Variants in SPMIP9 observed in about 807,000 individuals in gnomAD.
SPMIP9 encodes the protein protein SPMIP9.
chr2:88,527,152 C>G, the SPMIP9 span, among the ~76,000 whole-genome samples: 2 of 152,128 alleles, frequency 1.3e-5, no homozygotes, highest in African/African-American at 4.8e-5. Flanking sequence ...TACCCCTCCT[C>G]CCATCTCCAG....
At chr2:88,526,479 C>T in the SPMIP9 span, 1 of 1,614,032 alleles carries the variant, frequency 6.2e-7, no homozygotes, top group Non-Finnish European at 8.5e-7. Flanking sequence ...ACAAATACTC[C>T]AGGGTCACGC....
chr2:88,526,116 G>A, the SPMIP9 span, among the ~76,000 whole-genome samples: 8 of 152,128 alleles, frequency 5.3e-5, no homozygotes, highest in Non-Finnish European at 8.8e-5. Context: ...TCTGGGTCTT[G>A]GAGGATAGGT....
chr2:88,526,452 T>C, the SPMIP9 span: 4 of 1,614,006 alleles, frequency 2.5e-6, no homozygotes, highest in African/African-American at 4.0e-5. Flanking sequence ...TGGTCGACTA[T>C]CAGCCCTACA....
chr2:88,529,497 A>T, the SPMIP9 span: 3 of 1,587,606 alleles, frequency 1.9e-6, no homozygotes, highest in Non-Finnish European at 2.6e-6. Flanking sequence ...TACCTTCCAA[A>T]GGCTCTTCCA....
chr2:88,529,021 C>A, the SPMIP9 span: 18 of 1,586,644 alleles, frequency 1.1e-5, no homozygotes, highest in Middle Eastern at 1.7e-4. Context: ...TCTCTCTCAC[C>A]CCTCCATTCA....
chr2:88,528,887 G>A, the SPMIP9 span, among the ~76,000 whole-genome samples: 1 of 152,226 alleles, frequency 6.6e-6, no homozygotes, highest in Non-Finnish European at 1.5e-5. Flanking sequence ...AAACCCTTTT[G>A]TGTAATTTCA....
the SPMIP9 span, among the ~76,000 whole-genome samples, chr2:88,526,117 G>C: frequency 6.6e-6 from 1 of 152,140 alleles, no homozygotes; most frequent in Non-Finnish European, 1.5e-5. Flanking sequence ...CTGGGTCTTG[G>C]AGGATAGGTA....
chr2:88,525,580 T>C, the SPMIP9 span: 2 of 1,602,178 alleles, frequency 1.2e-6, no homozygotes, highest in Non-Finnish European at 1.7e-6. Flanking sequence ...TTGAAGATAG[T>C]GGCTACTTTC....
chr2:88,527,598 C>A, the SPMIP9 span, among the ~76,000 whole-genome samples: 2 of 152,126 alleles, frequency 1.3e-5, no homozygotes, highest in Non-Finnish European at 1.5e-5. Context: ...GCATATTATT[C>A]ATTTTCTGCT....
At chr2:88,529,183 C>T in the SPMIP9 span, 30 of 1,614,188 alleles carry the variant, frequency 1.9e-5, no homozygotes, top group Admixed American at 1.7e-4. Flanking sequence ...TGGGACTCCC[C>T]GGCTTCTTCC....
chr2:88,525,552 A>G, the SPMIP9 span: 9 of 1,494,092 alleles, frequency 6.0e-6, no homozygotes, highest in Non-Finnish European at 8.4e-6. Context: ...TGGGGCAGCC[A>G]TGCTTGGTTG....
At chr2:88,525,442 T>C in the SPMIP9 span, among the ~76,000 whole-genome samples, 70 of 152,282 alleles carry the variant, frequency 4.6e-4, 1 homozygote, top group Admixed American at 4.2e-3. Flanking sequence ...CTCCAGCCCC[T>C]TTGTCCCAGG....
the SPMIP9 span, among the ~76,000 whole-genome samples, chr2:88,528,880 C>A: frequency 6.6e-6 from 1 of 152,162 alleles, no homozygotes; most frequent in Admixed American, 6.5e-5. Context: ...TCACTATAAA[C>A]CCTTTTGTGT....
the SPMIP9 span, chr2:88,529,105 TAACCCC>T: frequency 6.2e-7 from 1 of 1,614,130 alleles, no homozygotes; most frequent in Non-Finnish European, 8.5e-7. Context: ...GGCCCATCCC[TAACCCC>T]AACCCCAAGC....
the SPMIP9 span, chr2:88,526,406 A>C: frequency 4.3e-6 from 7 of 1,611,364 alleles, no homozygotes; most frequent in Non-Finnish European, 5.1e-6. Context: ...GTGCTTTAGG[A>C]CCCTGTGGAT....
At chr2:88,526,299 G>GC in the SPMIP9 span, 1 of 828,794 alleles carries the variant, frequency 1.2e-6, no homozygotes, top group Non-Finnish European at 2.1e-6. Flanking sequence ...TGAATGTCAG[G>GC]CCCCAAAGTC....
At chr2:88,528,968 G>C in the SPMIP9 span, 1 of 1,377,594 alleles carries the variant, frequency 7.3e-7, no homozygotes, top group African/African-American at 1.4e-5. Flanking sequence ...AGAAGGGTGT[G>C]CTCTGTCTTG....
chr2:88,527,322 C>T, the SPMIP9 span, among the ~76,000 whole-genome samples: 1 of 152,026 alleles, frequency 6.6e-6, no homozygotes, highest in Admixed American at 6.6e-5. Context: ...GGCGAAATCC[C>T]GTCTCTATAA....
the SPMIP9 span, among the ~76,000 whole-genome samples, chr2:88,526,955 C>T: frequency 2.0e-5 from 3 of 152,074 alleles, no homozygotes; most frequent in East Asian, 1.9e-4. Flanking sequence ...CGTGAGCCAC[C>T]GTGGCCGGCC....
Sources: gnomAD v4.1 joint callset for allele counts (sites outside exome capture counted in the v4.1 genomes callset) on GRCh38, gnomAD v4.1.1 for gene constraint, MANE v1.5 for transcripts, NCBI Gene and HGNC (gene_info 2026-07-23, HGNC 2026-07-21) for gene names.